FADS6: variants seen among roughly 807,000 people sequenced by gnomAD.
FADS6 encodes fatty acid desaturase domain family, member 6.
In FADS6, 28 loss-of-function variants were observed where a neutral mutation model predicts 31.7. The ratio of observed to expected loss-of-function variants is 0.88; its 90% confidence interval spans 0.66 to 1.21. The LOEUF (loss-of-function observed/expected upper bound fraction) is 1.21, where lower values mean the gene tolerates loss of function less well. Among genes scored for constraint, FADS6 ranks in the 50% most tolerant of loss-of-function variants. The pLI is 0.00. For synonymous variants in FADS6, 191 were observed against 213.1 expected (o/e 0.90, Z 0.90); for missense variants, 494 against 504.2 (o/e 0.98, Z 0.19).
At chr17:74,875,498 C>A (rs955337725), downstream of FADS6, among the ~76,000 whole-genome samples, 8 of 152,198 alleles carry the variant, frequency 5.3e-5, no homozygotes, top group East Asian at 1.5e-3. Flanking sequence ...TCAAAGCAAT[C>A]GAGTGACTTG....
intron 1 of FADS6, among the ~76,000 whole-genome samples, chr17:74,893,007 C>A (rs1278121265): frequency 1.3e-5 from 2 of 152,166 alleles, no homozygotes; most frequent in African/African-American, 4.8e-5. Flanking sequence ...CCCCTCCCCA[C>A]TCACCTAGGT....
intron 5 of FADS6, chr17:74,879,179 A>G (rs1404293981): frequency 1.9e-6 from 1 of 531,390 alleles, no homozygotes; most frequent in Non-Finnish European, 3.3e-6. Flanking sequence ...TGGGACCACA[A>G]GCATGTGCCA....
Position 74,877,893 on chromosome 17 carries a change from G to T in FADS6, c.*438C>A. ...AGGAAGCAATAGCCAAGGCCGTGTG[G>T]GGCTCTCCCAATGCCAGGGAGGTCC... On this transcript the variant is annotated 3_prime_UTR_variant, in exon 6 of 6. Coordinates refer to ENST00000612771, the MANE Select transcript of FADS6 (RefSeq NM_178128.6). The T allele has an allele frequency of 1.0e-6, 1 of 990,484 alleles. No homozygotes were observed. Among genetic ancestry groups the T allele is most frequent in the South Asian group, 4.6e-5 (1 of 21,634 alleles). The allele number at this position is 990,484 out of a possible 1,614,324, so 61.4% of individuals were successfully genotyped here.
At chr17:74,879,291 C>T (rs2038540759) in intron 5 of FADS6, 113 bp downstream of exon 5, 8 of 1,330,530 alleles carry the variant, frequency 6.0e-6, no homozygotes, top group Middle Eastern at 2.0e-4. Flanking sequence ...CCCACCTCAG[C>T]CTCCGCAAGT....
intron 2 of FADS6, among the ~76,000 whole-genome samples, chr17:74,890,546 G>T (rs1214920724): frequency 6.6e-6 from 1 of 152,190 alleles, no homozygotes; most frequent in Admixed American, 6.5e-5. Context: ...TTCCTCCCCA[G>T]CTTCGAGGGG....
At chr17:74,884,554 T>C (rs1455943319) in intron 2 of FADS6, among the ~76,000 whole-genome samples, 1 of 152,060 alleles carries the variant, frequency 6.6e-6, no homozygotes. Flanking sequence ...GGAAGCTTGG[T>C]AGGGAGGCCT....
In FADS6 at chr17:74,878,096, A is replaced by G. The variant is rs545638564; in HGVS notation, c.*235T>C. ...GAAGTTGCTGAGGTCCAGACTGACC[A>G]GAATGCACAGCCACCATTACCGCTT... On this transcript the variant is annotated 3_prime_UTR_variant, in exon 6 of 6. Coordinates refer to ENST00000612771, the MANE Select transcript of FADS6 (RefSeq NM_178128.6). 69 of 1,384,640 alleles carry G rather than the reference A, an allele frequency of 5.0e-5. No homozygotes were observed. The East Asian group carries it at 1.9e-3, about 38-fold the overall frequency. The allele number at this position is 1,384,640 out of a possible 1,614,324, so 85.8% of individuals were successfully genotyped here.
chr17:74,882,531 G>A lies in FADS6; in HGVS notation c.591C>T (p.Val197=), dbSNP rs377760070. 6.7e-5 allele frequency: 107 copies of A among 1,607,486 alleles called. No homozygotes were observed. Among genetic ancestry groups the A allele is most frequent in the African/African-American group, 5.5e-4 (41 of 74,970 alleles). The stretch of plus-strand genomic sequence containing the variant: ...GGACCGGGCTCTCATGGCACTCACC[G>A]ACAGCCACCAGTGGAGTGGCGATGG... ...LLPIATPLVA[V]ERLRKVELGT... The change falls in exon 3 of 6, where the codon GTC becomes GTT. Residue 197 remains valine, a splice_region_variant and synonymous_variant. Transcript: ENST00000612771.
chr17:74,881,386 G>A, intron 3 of FADS6, 131 bp from the exon 4 acceptor site: 1 of 856,550 alleles, frequency 1.2e-6, no homozygotes, highest in Non-Finnish European at 1.7e-6. Flanking sequence ...TGAAAAGCAG[G>A]GCACCCCATT....
downstream of FADS6, among the ~76,000 whole-genome samples, chr17:74,874,937 T>C (rs2038497537): frequency 6.6e-6 from 1 of 152,192 alleles, no homozygotes; most frequent in Non-Finnish European, 1.5e-5. Context: ...ATCTGGTCCT[T>C]TACAGAGTTT....
chr17:74,878,267 G>A lies in FADS6; in HGVS notation c.*64C>T. 2 of 1,523,572 alleles carry A rather than the reference G, an allele frequency of 1.3e-6. No homozygotes were observed. Among genetic ancestry groups the A allele is most frequent in the South Asian group, 2.5e-5 (2 of 79,418 alleles). 94.4% of individuals were successfully genotyped at this position (1,523,572 alleles called of 1,614,324 possible). A position where few individuals can be genotyped will look rare whatever the true frequency, so the allele number is the denominator to read the frequency against. ...CCACTGAGCCACACCCCCTGGACCAGCAGCAGCAGGAGGGCCAGGGCCAGG... is the reference window on the plus strand; with the variant it reads ...CCACTGAGCCACACCCCCTGGACCAACAGCAGCAGGAGGGCCAGGGCCAGG... On this transcript the variant is annotated 3_prime_UTR_variant, in exon 6 of 6. Coordinates refer to ENST00000612771, the MANE Select transcript of FADS6 (RefSeq NM_178128.6).
At chr17:74,882,758 T>C in intron 2 of FADS6, 48 bp from the exon 3 acceptor site, 1 of 1,573,774 alleles carries the variant, frequency 6.4e-7, no homozygotes, top group Non-Finnish European at 8.6e-7. Flanking sequence ...TCAGGCACAG[T>C]TGAGCAATGC....
At chr17:74,880,974 C>T in intron 4 of FADS6, 94 bp downstream of exon 4, 5 of 1,311,204 alleles carry the variant, frequency 3.8e-6, no homozygotes, top group Non-Finnish European at 5.2e-6. Flanking sequence ...TTCAGGTGGC[C>T]CCTCTCTCCT....
chr17:74,878,207 TG>T lies in FADS6; in HGVS notation c.*123del. ...GCCTGAGCTCCCCTGCCCCCCTGCC[TG>T]GCCGGTGCCTCCACTCTCCAGGTCC... On this transcript the variant is annotated 3_prime_UTR_variant, in exon 6 of 6. Coordinates refer to ENST00000612771, the MANE Select transcript of FADS6 (RefSeq NM_178128.6). 3 of 1,443,754 alleles carry T rather than the reference TG, an allele frequency of 2.1e-6. No individual in the cohort carries two copies. The highest frequency in any genetic ancestry group is 2.7e-6 in the Non-Finnish European group (3 of 1,101,790). The allele number at this position is 1,443,754 out of a possible 1,614,324, so 89.4% of individuals were successfully genotyped here.
At chr17:74,884,885 T>A (rs1424802891) in intron 2 of FADS6, among the ~76,000 whole-genome samples, 1 of 152,096 alleles carries the variant, frequency 6.6e-6, no homozygotes, top group Non-Finnish European at 1.5e-5. Context: ...CTTTTTATAT[T>A]TTTAGTAGAG....
At chr17:74,888,834 G>T (rs1407184279) in intron 2 of FADS6, among the ~76,000 whole-genome samples, 1 of 152,178 alleles carries the variant, frequency 6.6e-6, no homozygotes, top group Non-Finnish European at 1.5e-5. Context: ...ACGGGGGCCT[G>T]CCCATCCCAC....
rs2038520587 is a variant in FADS6, at chr17:74,877,721, CT to C, written c.*609del. ...GTTCCCTCCCGACAAAACACACTCA[CT>C]TTTATCTTGCTGATACTGTGGCCTG... On this transcript the variant is annotated 3_prime_UTR_variant, in exon 6 of 6. Transcript: ENST00000612771. 1 of 985,506 alleles carries C rather than the reference CT, an allele frequency of 1.0e-6. No homozygotes were observed. The highest frequency in any genetic ancestry group is 1.7e-5 in the African/African-American group (1 of 57,248). The allele number at this position is 985,506 out of a possible 1,614,324, so 61.0% of individuals were successfully genotyped here.
intron 2 of FADS6, among the ~76,000 whole-genome samples, chr17:74,888,152 ACACG>A (rs1483353307): frequency 8.0e-6 from 1 of 124,298 alleles, no homozygotes; most frequent in Non-Finnish European, 1.6e-5. Flanking sequence ...ACACACACAC[ACACG>A]CGCGCGCGCG....
At chr17:74,889,870 CAAAAA>C (rs59381032) in intron 2 of FADS6, among the ~76,000 whole-genome samples, 2 of 53,528 alleles carry the variant, frequency 3.7e-5, no homozygotes, top group African/African-American at 1.4e-4. Flanking sequence ...GACTCAGTCT[CAAAAA>C]AAAAAAAAAA....
Sources: allele counts gnomAD v4.1 joint callset (sites outside exome capture counted in the v4.1 genomes callset), GRCh38; gene constraint gnomAD v4.1.1; transcripts MANE v1.5; gene names NCBI Gene and HGNC (gene_info 2026-07-23, HGNC 2026-07-21).